DYM: variants seen among roughly 807,000 people sequenced by gnomAD.
DYM encodes the protein dyggve-Melchior-Clausen syndrome protein.
In DYM, 78 loss-of-function variants were observed where a neutral mutation model predicts 93.1. The observed-to-expected ratio is 0.84, with a 90% CI of 0.70 to 1.01. The LOEUF is 1.01. Ranked by LOEUF, DYM falls within the 50% of genes least tolerant of loss-of-function variation. DYM has a pLI of 0.00. For missense variants in DYM, 789 were observed against 845.0 expected, an observed-to-expected ratio of 0.93 and a Z score of 0.82; for synonymous variants, 321 against 319.7, an observed-to-expected ratio of 1.00 and a Z score of -0.04.
intron 15 of DYM, among the ~76,000 whole-genome samples, chr18:49,143,668 A>C (rs1159802641): frequency 6.6e-6 from 1 of 152,186 alleles, no homozygotes; most frequent in African/African-American, 2.4e-5. Context: ...TGAAATAAAC[A>C]TAAAATTTAC....
At chr18:49,046,944 C>G (rs1391564263) in intron 17 of DYM, among the ~76,000 whole-genome samples, 3 of 152,040 alleles carry the variant, frequency 2.0e-5, no homozygotes, top group Non-Finnish European at 2.9e-5. Flanking sequence ...TTTAAGAAAA[C>G]CAACTAAAAA....
chr18:49,109,808 A>G (rs773448002), intron 16 of DYM, among the ~76,000 whole-genome samples: 2 of 152,232 alleles, frequency 1.3e-5, no homozygotes, highest in South Asian at 2.1e-4. Context: ...GGAGATACAA[A>G]TATCTTTGAA....
chr18:49,264,448 A>AT (rs1043348530), intron 11 of DYM, among the ~76,000 whole-genome samples: 2 of 152,070 alleles, frequency 1.3e-5, no homozygotes, highest in Non-Finnish European at 2.9e-5. Flanking sequence ...CTTTTTCTCT[A>AT]TATCCTCACC....
At chr18:49,130,058 G>A (rs2083236935) in intron 15 of DYM, among the ~76,000 whole-genome samples, 1 of 152,146 alleles carries the variant, frequency 6.6e-6, no homozygotes, top group African/African-American at 2.4e-5. Flanking sequence ...TCAAGCACAG[G>A]TCTGCTACCA....
intron 11 of DYM, among the ~76,000 whole-genome samples, chr18:49,266,947 A>C (rs1316710613): frequency 6.6e-6 from 1 of 152,220 alleles, no homozygotes; most frequent in Non-Finnish European, 1.5e-5. Flanking sequence ...TTCTACCTTA[A>C]GAAACGTTGG....
intron 15 of DYM, among the ~76,000 whole-genome samples, chr18:49,155,149 C>T (rs1216382668): frequency 1.3e-5 from 2 of 152,176 alleles, no homozygotes; most frequent in Non-Finnish European, 2.9e-5. Flanking sequence ...AATATACACA[C>T]CTTTGTGGAA....
chr18:49,238,305 C>A (rs576233825), intron 13 of DYM, among the ~76,000 whole-genome samples: 1 of 152,004 alleles, frequency 6.6e-6, no homozygotes. Context: ...TATGTGATAC[C>A]CTTTTAAGTA....
At chr18:49,396,533 G>C (rs1024596957) in intron 2 of DYM, among the ~76,000 whole-genome samples, 2 of 152,134 alleles carry the variant, frequency 1.3e-5, no homozygotes, top group Non-Finnish European at 2.9e-5. Context: ...TTGGATTTTA[G>C]AGCATTCTGG....
chr18:49,126,333 A>G (rs535172392), intron 15 of DYM: 1 of 152,332 alleles, frequency 6.6e-6, no homozygotes, highest in East Asian at 1.9e-4. Flanking sequence ...CTAAAAACAA[A>G]GTATCAAATT....
chr18:49,413,912 A>C lies in DYM; in HGVS notation c.140+16343T>G, dbSNP rs1274506279. 2.0e-5 allele frequency among the ~76,000 whole-genome samples: 3 copies of C among 152,130 alleles called. 1 individual carries two copies. The highest frequency in any genetic ancestry group is 4.1e-4 in the South Asian group (2 of 4,826). On this transcript the variant is annotated intron_variant, in intron 2 of 17. Coordinates refer to ENST00000675505, the MANE Select transcript of DYM (RefSeq NM_001353214.3). Reference sequence around the variant, plus strand: ...GTAATCCCAACTACTTGGGAGGCTGAGGCGGGAGGACAACTTGAACCCAGG... The same window carrying C: ...GTAATCCCAACTACTTGGGAGGCTGCGGCGGGAGGACAACTTGAACCCAGG...
intron 15 of DYM, among the ~76,000 whole-genome samples, chr18:49,127,174 A>G (rs967525636): frequency 1.3e-5 from 2 of 152,218 alleles, no homozygotes; most frequent in Non-Finnish European, 2.9e-5. Context: ...CTCATATCAG[A>G]CAGGCTTTCT....
In DYM at chr18:49,125,086, C is replaced by T. The variant is rs113691487; in HGVS notation, c.1729-6160G>A. Among the ~76,000 whole-genome samples the T allele has an allele frequency of 3.7e-3, 564 of 152,158 alleles. 1 individual carries two copies. The highest frequency in any genetic ancestry group is 4.6e-3 in the South Asian group (22 of 4,822). On this transcript the variant is annotated intron_variant, in intron 15 of 17. Transcript: ENST00000675505. ...CATCCTGGCTCACATGGTGAAACCT[C>T]GCCTCTACTAAATATACAAAAAAAG...
At chr18:49,391,507 T>A (rs2069249017) in intron 3 of DYM, 86 bp downstream of exon 3, 5 of 1,285,894 alleles carry the variant, frequency 3.9e-6, no homozygotes, top group Admixed American at 1.7e-5. Flanking sequence ...GAAGAGTAAT[T>A]ACTTCATTAA....
intron 6 of DYM, among the ~76,000 whole-genome samples, chr18:49,338,500 G>C (rs1219760024): frequency 6.6e-6 from 1 of 152,082 alleles, no homozygotes; most frequent in Admixed American, 6.5e-5. Context: ...TTTCCCTACT[G>C]GATATCAAGC....
intron 8 of DYM, among the ~76,000 whole-genome samples, chr18:49,292,608 A>C (rs1487955637): frequency 2.3e-4 from 19 of 83,898 alleles, no homozygotes; most frequent in East Asian, 1.8e-3. Flanking sequence ...AAAAAAAAAA[A>C]AAAAAAAAAA....
At chr18:49,054,086 C>G (rs1196466529) in intron 17 of DYM, among the ~76,000 whole-genome samples, 2 of 152,134 alleles carry the variant, frequency 1.3e-5, no homozygotes, top group African/African-American at 4.8e-5. Context: ...TTGATCAAGA[C>G]TGAAGTGCAG....
At position 49,199,963 on chromosome 18, in the gene DYM, A is replaced by G. The variant is rs577257844; in HGVS notation, c.1625+9588T>C. Among the ~76,000 whole-genome samples, 390 of 152,272 alleles carry G rather than the reference A, an allele frequency of 2.6e-3. 1 individual carries two copies. The highest frequency in any genetic ancestry group is 8.1e-3 in the African/African-American group (336 of 41,582). On this transcript the variant is annotated intron_variant, in intron 14 of 17. Transcript: ENST00000675505. ...TTTCATATTACACGTACTTAGAATT[A>G]TAAATCCATTCAGTTAAAAAGAAAA...
At chr18:49,361,427 A>G (rs954261955) in intron 6 of DYM, among the ~76,000 whole-genome samples, 3 of 152,242 alleles carry the variant, frequency 2.0e-5, no homozygotes, top group African/African-American at 7.2e-5. Flanking sequence ...TTCCAATTAT[A>G]TCTCCATGTA....
At chr18:49,103,729 C>T (rs934814884) in intron 16 of DYM, among the ~76,000 whole-genome samples, 62 of 152,144 alleles carry the variant, frequency 4.1e-4, no homozygotes, top group African/African-American at 1.4e-3. Context: ...TGTAGATATG[C>T]GGCGTTATTT....
Sources: gnomAD v4.1 joint callset for allele counts (sites outside exome capture counted in the v4.1 genomes callset) on GRCh38, gnomAD v4.1.1 for gene constraint, MANE v1.5 for transcripts, NCBI Gene and HGNC (gene_info 2026-07-23, HGNC 2026-07-21) for gene names.